Variants in GRIA1 observed in about 807,000 individuals in gnomAD.
GRIA1 encodes the protein glutamate receptor 1.
A neutral mutation model predicts 99.2 loss-of-function variants in GRIA1; 31 were observed. That is an observed-to-expected ratio of 0.31 (90% CI 0.23 to 0.42). The LOEUF is 0.42. Ranked by LOEUF, GRIA1 falls within the 10% of genes least tolerant of loss-of-function variation. The probability of loss-of-function intolerance (pLI) is 1.00; values close to 1 mark genes in which losing one functional copy is unlikely to be tolerated. For missense variants in GRIA1, 782 were observed against 1,157.5 expected (o/e 0.68, Z 4.71); for synonymous variants, 438 against 432.4 (o/e 1.01, Z -0.16).
intron 3 of GRIA1, 149 bp downstream of exon 3, chr5:153,647,316 TAG>T: frequency 1.0e-6 from 1 of 961,864 alleles, no homozygotes; most frequent in Non-Finnish European, 1.5e-6. Flanking sequence ...GATTTATCAG[TAG>T]CTGACCTCTA....
intron 11 of GRIA1, among the ~76,000 whole-genome samples, chr5:153,727,946 C>T (rs1295272130): frequency 1.3e-5 from 2 of 151,692 alleles, no homozygotes; most frequent in South Asian, 2.1e-4. Flanking sequence ...GCCAAAAGAA[C>T]AAAGCTGGAG....
chr5:153,646,824 A>G (rs373023858), intron 2 of GRIA1, 104 bp from the exon 3 acceptor site: 24 of 1,253,552 alleles, frequency 1.9e-5, no homozygotes, highest in East Asian at 4.7e-5. Context: ...AGTTGGGTGG[A>G]TAATTGATGG....
chr5:153,575,138 T>TGG (rs752866760), intron 2 of GRIA1, among the ~76,000 whole-genome samples: 3 of 151,926 alleles, frequency 2.0e-5, no homozygotes, highest in Non-Finnish European at 4.4e-5. Flanking sequence ...AATGGTCTCT[T>TGG]GGTCTCTTTC....
chr5:153,646,202 G>A (rs1438285890), intron 2 of GRIA1, among the ~76,000 whole-genome samples: 2 of 152,168 alleles, frequency 1.3e-5, no homozygotes, highest in African/African-American at 2.4e-5. Flanking sequence ...TATTACTATG[G>A]CTGATACACT....
intron 2 of GRIA1, among the ~76,000 whole-genome samples, chr5:153,538,714 T>C (rs1203298449): frequency 6.6e-6 from 1 of 152,170 alleles, no homozygotes; most frequent in African/African-American, 2.4e-5. Context: ...TGTGTGACAC[T>C]TGCGTTAGCA....
chr5:153,608,273 T>A (rs994334499), intron 2 of GRIA1, among the ~76,000 whole-genome samples: 1 of 152,208 alleles, frequency 6.6e-6, no homozygotes, highest in African/African-American at 2.4e-5. Context: ...ATTGGACTTC[T>A]CAAATTTGTG....
At chr5:153,690,325 A>G (rs185121137) in intron 8 of GRIA1, among the ~76,000 whole-genome samples, 3 of 152,214 alleles carry the variant, frequency 2.0e-5, no homozygotes, top group Admixed American at 2.0e-4. Context: ...CAGGGTGGCT[A>G]AGAGCTTGGG....
intron 15 of GRIA1, 79 bp downstream of exon 15, chr5:153,802,569 A>G (rs1766123127): frequency 6.9e-7 from 1 of 1,447,416 alleles, no homozygotes; most frequent in African/African-American, 1.4e-5. Context: ...TTTGCTAGAA[A>G]GGGTGGGGAA....
At chr5:153,681,192 G>A (rs1218399982) in intron 7 of GRIA1, among the ~76,000 whole-genome samples, 2 of 152,142 alleles carry the variant, frequency 1.3e-5, no homozygotes, top group African/African-American at 2.4e-5. Context: ...AAGGGAGGAA[G>A]TGACAGGCTC....
chr5:153,797,537 A>T (rs1202432771), intron 14 of GRIA1, among the ~76,000 whole-genome samples: 3 of 152,108 alleles, frequency 2.0e-5, no homozygotes, highest in African/African-American at 4.8e-5. Context: ...CACATATTCA[A>T]CTCAGAGTGA....
At chr5:153,698,197 T>C (rs772112070) in intron 9 of GRIA1, 43 bp downstream of exon 9, 19 of 1,095,718 alleles carry the variant, frequency 1.7e-5, no homozygotes, top group Non-Finnish European at 4.2e-6. Flanking sequence ...GGATTCAAGC[T>C]AGGCCAGCAC....
intron 14 of GRIA1, among the ~76,000 whole-genome samples, chr5:153,801,986 A>G (rs6890399): frequency 0.11 from 15,732 of 149,374 alleles, 1,334 homozygotes; most frequent in African/African-American, 0.21. Flanking sequence ...GGAGCTGAAA[A>G]GGAAGGGACA....
chr5:153,536,816 A>G (rs1166797925), intron 2 of GRIA1, among the ~76,000 whole-genome samples: 1 of 152,138 alleles, frequency 6.6e-6, no homozygotes, highest in East Asian at 1.9e-4. Context: ...TACATCTTTA[A>G]TATTTCCGGT....
chr5:153,534,203 A>C (rs73800334), intron 2 of GRIA1, among the ~76,000 whole-genome samples: 10,419 of 152,292 alleles, frequency 0.068, 1,034 homozygotes, highest in African/African-American at 0.22. Context: ...TCCTCTCCTT[A>C]CTTTCCTCTG....
intron 5 of GRIA1, among the ~76,000 whole-genome samples, chr5:153,662,525 G>C (rs904221557): frequency 6.6e-6 from 1 of 152,158 alleles, no homozygotes; most frequent in African/African-American, 2.4e-5. Context: ...GGCTCGTGAG[G>C]CTGCATCTAC....
chr5:153,625,058 T>G (rs541479405), intron 2 of GRIA1, among the ~76,000 whole-genome samples: 1 of 152,314 alleles, frequency 6.6e-6, no homozygotes, highest in East Asian at 1.9e-4. Flanking sequence ...TTCATTCATG[T>G]GCCGCAGCCC....
chr5:153,605,192 A>C (rs1342077137), intron 2 of GRIA1, among the ~76,000 whole-genome samples: 1 of 152,090 alleles, frequency 6.6e-6, no homozygotes, highest in Non-Finnish European at 1.5e-5. Flanking sequence ...GTCTCAAAAA[A>C]AAAAAAAAGA....
At chr5:153,799,483 G>A (rs1765862294) in intron 14 of GRIA1, among the ~76,000 whole-genome samples, 2 of 152,186 alleles carry the variant, frequency 1.3e-5, no homozygotes, top group Admixed American at 1.3e-4. Flanking sequence ...AACATTTTGT[G>A]TAAATTGAAA....
intron 2 of GRIA1, among the ~76,000 whole-genome samples, chr5:153,633,511 A>G (rs963045100): frequency 3.3e-5 from 5 of 151,730 alleles, no homozygotes; most frequent in African/African-American, 1.2e-4. Flanking sequence ...TTGGCAGAGA[A>G]GGCAGCTGAG....
Sources: gnomAD v4.1 joint callset for allele counts (sites outside exome capture counted in the v4.1 genomes callset) on GRCh38, gnomAD v4.1.1 for gene constraint, MANE v1.5 for transcripts, NCBI Gene and HGNC (gene_info 2026-07-23, HGNC 2026-07-21) for gene names.